ASH1L: variants seen among roughly 807,000 people sequenced by gnomAD.
ASH1L encodes histone-lysine N-methyltransferase ASH1L.
ASH1L carries 23 observed loss-of-function variants against 269.0 expected under a neutral mutation model. The observed-to-expected ratio is 0.09, with a 90% confidence interval of 0.06 to 0.12. ASH1L has a LOEUF of 0.12. Among genes scored for constraint, ASH1L ranks in the 10% least tolerant of loss-of-function variants. ASH1L has a pLI of 1.00. For missense variants in ASH1L, 2,912 were observed against 3,567.8 expected (o/e 0.82, Z 4.68); for synonymous variants, 1,187 against 1,253.5 (o/e 0.95, Z 1.12).
In ASH1L at chr1:155,480,387, C is replaced by G. The variant is rs1665866044; in HGVS notation, c.2483G>C (p.Arg828Thr). 6.2e-7 allele frequency: 1 copy of G among 1,613,952 alleles called. No homozygotes were observed. The highest frequency in any genetic ancestry group is 8.5e-7 in the Non-Finnish European group (1 of 1,179,942). ...CATCTCCTTAGATTTAGGCCTTCCT[C>G]TTTTGGGCTTATAAATATCAGACAA... ...DLLSDIYKPK[R>T]GRPKSKEMPQ... Residue 828 changes from arginine to threonine, a missense_variant, in exon 3 of 28, where the codon AGA (arginine) becomes ACA (threonine). Arg to Thr is a moderately conservative substitution (Grantham distance 71). This residue lies in a region of ASH1L where 715 missense variants were observed against 721.0 expected (regional missense o/e 0.99). Transcript: ENST00000392403.
At position 155,336,918 on chromosome 1, in the gene ASH1L, C is replaced by T. The variant is rs1652365788; in HGVS notation, c.*742G>A. 1 of 152,218 alleles carries T rather than the reference C, an allele frequency of 6.6e-6. No homozygotes were observed. The highest frequency in any genetic ancestry group is 1.5e-5 in the Non-Finnish European group (1 of 68,024). The allele number at this position is 152,218 out of a possible 1,614,324, so 9.4% of individuals were successfully genotyped here. A position where few individuals can be genotyped will look rare whatever the true frequency, so the allele number is the denominator to read the frequency against. ...AAAACAGCATGTGTGCTGGCGGGGG[C>T]CTGGCTTTCTCATTAGAAAAAAATA... On this transcript the variant is annotated 3_prime_UTR_variant, in exon 28 of 28. Coordinates refer to ENST00000392403, the MANE Select transcript of ASH1L (RefSeq NM_018489.3).
chr1:155,373,927 C>A (rs2148425060), intron 10 of ASH1L, among the ~76,000 whole-genome samples: 1 of 152,260 alleles, frequency 6.6e-6, no homozygotes, highest in Admixed American at 6.5e-5. Context: ...CCCTGGCCTT[C>A]CAAAATGCTG....
intron 4 of ASH1L, among the ~76,000 whole-genome samples, chr1:155,456,783 T>C (rs1229231136): frequency 6.6e-6 from 1 of 152,176 alleles, no homozygotes; most frequent in African/African-American, 2.4e-5. Flanking sequence ...TCTGCATGCA[T>C]TTGTCACACT....
intron 15 of ASH1L, among the ~76,000 whole-genome samples, chr1:155,355,519 A>T (rs1030373018): frequency 1.3e-5 from 2 of 152,190 alleles, no homozygotes; most frequent in Non-Finnish European, 2.9e-5. Context: ...AGATTAGACT[A>T]ATTTTCTAGT....
intron 2 of ASH1L, among the ~76,000 whole-genome samples, chr1:155,491,245 A>G (rs1193642383): frequency 6.6e-6 from 1 of 151,988 alleles, no homozygotes; most frequent in Non-Finnish European, 1.5e-5. Flanking sequence ...TTCACCTACT[A>G]TTCTTCTTGA....
intron 1 of ASH1L, among the ~76,000 whole-genome samples, chr1:155,532,463 T>C (rs1260888900): frequency 6.6e-6 from 1 of 152,118 alleles, no homozygotes; most frequent in Non-Finnish European, 1.5e-5. Flanking sequence ...CACCTGCCAT[T>C]CTAATCCCAC....
intron 3 of ASH1L, among the ~76,000 whole-genome samples, chr1:155,464,002 C>T (rs550588516): frequency 7.2e-5 from 11 of 152,248 alleles, no homozygotes; most frequent in African/African-American, 1.7e-4. Flanking sequence ...ACTGACTCTT[C>T]GCCATAGCTT....
At chr1:155,546,715 G>A (rs988734464) in intron 1 of ASH1L, among the ~76,000 whole-genome samples, 9 of 151,236 alleles carry the variant, frequency 6.0e-5, no homozygotes, top group South Asian at 2.1e-4. Context: ...CTGAGATCAC[G>A]CCACTACACT....
intron 6 of ASH1L, among the ~76,000 whole-genome samples, chr1:155,413,329 G>A (rs1659948865): frequency 6.6e-6 from 1 of 152,096 alleles, no homozygotes. Context: ...GCATGGGCCA[G>A]GCATGGTGGC....
intron 4 of ASH1L, among the ~76,000 whole-genome samples, chr1:155,451,340 G>A (rs1355635087): frequency 2.6e-5 from 4 of 152,196 alleles, no homozygotes; most frequent in African/African-American, 9.7e-5. Context: ...TGAAGGGACA[G>A]GGGAATATGA....
At chr1:155,379,742 C>G (rs905323390) in intron 8 of ASH1L, among the ~76,000 whole-genome samples, 4 of 152,072 alleles carry the variant, frequency 2.6e-5, no homozygotes, top group African/African-American at 9.7e-5. Context: ...TCTCCTGAGA[C>G]CTGCATCAAA....
In ASH1L at chr1:155,347,703, C is replaced by T. The variant is rs752823313; in HGVS notation, c.7756G>A (p.Gly2586Ser). The T allele has an allele frequency of 1.1e-5, 17 of 1,614,022 alleles. No individual in the cohort carries two copies. The highest frequency in any genetic ancestry group is 1.4e-5 in the Non-Finnish European group (17 of 1,180,042). ...ATGAGACCTTCATCCTTGTAGAGGC[C>T]ACAGATACAGCGAATAACATCGTCG... ...KDDDVIRCICGLYKDEGLMIQ... is the reference protein window; with the variant it reads ...KDDDVIRCICSLYKDEGLMIQ... Residue 2586 changes from glycine to serine, a missense_variant, in exon 20 of 28, where the codon GGC becomes AGC. Transcript: ENST00000392403.
In ASH1L at chr1:155,480,614, A is replaced by G. The variant is rs1351074068; in HGVS notation, c.2256T>C (p.Asn752=). Residue 752 remains asparagine, a synonymous_variant, in exon 3 of 28, where the codon AAT becomes AAC. Transcript: ENST00000392403. ...FKNVSCSSLS[N]SNSEPAKFMK... The stretch of plus-strand genomic sequence containing the variant: ...TAAACTTGGCTGGCTCAGAATTACT[A>G]TTTGATAGTGAGCTACATGAAACGT... 5.0e-6 allele frequency: 8 copies of G among 1,614,156 alleles called. No homozygotes were observed. Among genetic ancestry groups the G allele is most frequent in the Non-Finnish European group, 6.8e-6 (8 of 1,180,014 alleles).
intron 4 of ASH1L, among the ~76,000 whole-genome samples, chr1:155,446,767 G>T (rs1663068855): frequency 6.6e-6 from 1 of 151,720 alleles, no homozygotes; most frequent in Non-Finnish European, 1.5e-5. Flanking sequence ...GACTTCAGGC[G>T]CCCGCCACCG....
chr1:155,536,480 C>A (rs984668620), intron 1 of ASH1L, among the ~76,000 whole-genome samples: 1 of 152,180 alleles, frequency 6.6e-6, no homozygotes. Flanking sequence ...TATCTCAAAT[C>A]CTACACACGC....
intron 1 of ASH1L, among the ~76,000 whole-genome samples, chr1:155,546,903 A>G (rs1360977179): frequency 4.0e-5 from 6 of 149,796 alleles, no homozygotes; most frequent in Non-Finnish European, 8.9e-5. Context: ...TTATGTGCAT[A>G]TATACACTTT....
intron 7 of ASH1L, among the ~76,000 whole-genome samples, chr1:155,390,688 C>T (rs577034104): frequency 6.9e-6 from 1 of 145,188 alleles, no homozygotes; most frequent in South Asian, 2.4e-4. Context: ...CTCTGTCACC[C>T]AGGCTGGAGT....
At chr1:155,488,174 T>C (rs1276375144) in intron 2 of ASH1L, among the ~76,000 whole-genome samples, 1 of 152,028 alleles carries the variant, frequency 6.6e-6, no homozygotes, top group South Asian at 2.1e-4. Flanking sequence ...CATGAGCCAT[T>C]GTGCCTGGCC....
rs368645840 is a variant in ASH1L at position 155,557,312 on chromosome 1, G to C, written c.-100+4841C>G. Among the ~76,000 whole-genome samples, 226 of 152,000 alleles carry C rather than the reference G, an allele frequency of 1.5e-3. 2 individuals are homozygous for C. The highest frequency in any genetic ancestry group is 4.5e-3 in the African/African-American group (187 of 41,454). ...GAGTCTCGCTCTGTCACCCAGGCTG[G>C]AGTGCAGTGGCGCAGTCTTGGCTCA... is the stretch of plus-strand genomic sequence containing the variant. On this transcript the variant is annotated intron_variant, in intron 1 of 27. Transcript: ENST00000392403.
Sources: gnomAD v4.1 joint callset for allele counts (sites outside exome capture counted in the v4.1 genomes callset) on GRCh38, gnomAD v4.1.1 for gene constraint, gnomAD v4.1.1 regional missense constraint, MANE v1.5 for transcripts, NCBI Gene and HGNC (gene_info 2026-07-23, HGNC 2026-07-21) for gene names.